ZFHX3: variants seen among roughly 807,000 people sequenced by gnomAD.
ZFHX3 encodes the protein zinc finger homeobox protein 3.
Under a neutral mutation model 279.1 loss-of-function variants are expected in ZFHX3, and 42 were observed. The observed-to-expected ratio is 0.15, with a 90% CI of 0.12 to 0.19. The LOEUF (loss-of-function observed/expected upper bound fraction) is 0.19, where lower values mean the gene tolerates loss of function less well. Ranked by LOEUF, ZFHX3 falls within the 10% of genes least tolerant of loss-of-function variation. The pLI is 1.00. For synonymous variants in ZFHX3, 2,293 were observed against 1,957.8 expected (o/e 1.17, Z -4.52); for missense variants, 4,981 against 4,754.0 (o/e 1.05, Z -1.40).
At chr16:73,690,223 A>T (rs2053135271) in intron 1 of ZFHX3, among the ~76,000 whole-genome samples, 1 of 152,116 alleles carries the variant, frequency 6.6e-6, no homozygotes, top group African/African-American at 2.4e-5. Context: ...AGAAGCACAA[A>T]CAAGGTTTTA....
chr16:73,182,726 T>A (rs1285653229), intron 5 of ZFHX3, among the ~76,000 whole-genome samples: 3 of 152,344 alleles, frequency 2.0e-5, no homozygotes, highest in Non-Finnish European at 4.4e-5. Flanking sequence ...TGAAATCATG[T>A]CTTTTGCAGC....
chr16:73,205,417 T>C (rs908928648), intron 5 of ZFHX3, among the ~76,000 whole-genome samples: 1 of 152,168 alleles, frequency 6.6e-6, no homozygotes, highest in African/African-American at 2.4e-5. Flanking sequence ...GGTTCAGAAG[T>C]ATGATAGGCC....
At chr16:72,851,104 C>T (rs1208250327) in intron 4 of ZFHX3, among the ~76,000 whole-genome samples, 1 of 152,012 alleles carries the variant, frequency 6.6e-6, no homozygotes, top group Admixed American at 6.5e-5. Context: ...CCATTTTTTT[C>T]CACATGGAAC....
intron 5 of ZFHX3, among the ~76,000 whole-genome samples, chr16:72,828,415 T>A (rs1003116676): frequency 8.5e-5 from 13 of 152,218 alleles, no homozygotes; most frequent in African/African-American, 3.1e-4. Flanking sequence ...CCCCTCAACA[T>A]AGAAAGCTTA....
At chr16:73,244,722 A>G (rs1288369737) in intron 5 of ZFHX3, among the ~76,000 whole-genome samples, 2 of 152,278 alleles carry the variant, frequency 1.3e-5, no homozygotes, top group South Asian at 4.1e-4. Flanking sequence ...GCACACAGTG[A>G]TGCCACCAGC....
Position 72,889,054 on chromosome 16 carries a change from T to C in ZFHX3, c.3448+677A>G, listed in dbSNP as rs535943438. On this transcript the variant is annotated intron_variant, in intron 4 of 9. Coordinates refer to ENST00000268489, the MANE Select transcript of ZFHX3 (RefSeq NM_006885.4). ...GAAGTCCCTATGGAAGGCGGAGTCA[T>C]GGGTGGAGGGAGGGAGGGAGGTGGG... Among the ~76,000 whole-genome samples, 10 of 140,532 alleles carry C rather than the reference T, an allele frequency of 7.1e-5. No homozygotes were observed. In the East Asian group the frequency reaches 2.3e-3, roughly 33 times the overall value. The allele number at this position is 140,532 out of a possible 152,430, so 92.2% of individuals were successfully genotyped here.
intron 8 of ZFHX3, among the ~76,000 whole-genome samples, chr16:73,078,412 G>A (rs984818169): frequency 6.6e-6 from 1 of 152,008 alleles, no homozygotes; most frequent in Non-Finnish European, 1.5e-5. Context: ...TAGGGCTTGG[G>A]GTTCCTAAGC....
intron 3 of ZFHX3, among the ~76,000 whole-genome samples, chr16:72,923,880 C>T (rs778235672): frequency 6.6e-6 from 1 of 152,198 alleles, no homozygotes; most frequent in African/African-American, 2.4e-5. Flanking sequence ...ACGTTCAAGA[C>T]GCGGCTACTG....
rs138442240 is a variant in ZFHX3, at chr16:73,261,445, T to C, written c.-1193-4309A>G. On this transcript the variant is annotated intron_variant, in intron 4 of 17. Transcript: ENST00000641206. ...GGAAGATGATGTTTACTATGAACTT[T>C]GTTGTACCATTTAAATTTGGGACTA... 5.8e-4 allele frequency among the ~76,000 whole-genome samples: 88 copies of C among 152,256 alleles called. 1 individual carries two copies. Among genetic ancestry groups the C allele is most frequent in the Admixed American group, 1.2e-3 (19 of 15,308 alleles).
rs1188328440 is a variant in ZFHX3 at position 72,797,039 on chromosome 16, G to A, written c.5643C>T (p.Val1881=). The A allele has an allele frequency of 6.2e-7, 1 of 1,613,954 alleles. No individual in the cohort carries two copies. Among genetic ancestry groups the A allele is most frequent in the Admixed American group, 1.7e-5 (1 of 60,006 alleles). Residue 1881 remains valine, a synonymous_variant, in exon 9 of 10, where the codon GTC becomes GTT. Transcript: ENST00000268489. ...GGCTTTCTTTTTCCTTTTCTTTGATGACCAATTTGTTCTTCTTTTCGGGGT... is the reference window on the plus strand; with the variant it reads ...GGCTTTCTTTTTCCTTTTCTTTGATAACCAATTTGTTCTTCTTTTCGGGGT... ...SQHPEKKNKL[V]IKEKEKESQR... is the part of the protein sequence containing the mutation.
intron 5 of ZFHX3, among the ~76,000 whole-genome samples, chr16:73,190,121 T>C (rs1457488404): frequency 1.3e-5 from 2 of 152,148 alleles, no homozygotes; most frequent in Non-Finnish European, 2.9e-5. Context: ...TCTTGACCAC[T>C]CCTTATCTGA....
rs1200537924 is a variant in ZFHX3 at position 73,135,439 on chromosome 16, G to C, written c.-1023-4345C>G. On this transcript the variant is annotated intron_variant, in intron 6 of 17. Coordinates refer to the ZFHX3 transcript ENST00000641206. Reference sequence around the variant, plus strand: ...TTCGTGGATGGGAATTAGTACAAAGGCCTGATGAGACTGTCCCTTATCCAA... The same window carrying C: ...TTCGTGGATGGGAATTAGTACAAAGCCCTGATGAGACTGTCCCTTATCCAA... 2.0e-5 allele frequency among the ~76,000 whole-genome samples: 3 copies of C among 152,134 alleles called. No homozygotes were observed. The South Asian group carries it at 6.2e-4, about 32-fold the overall frequency.
intron 3 of ZFHX3, among the ~76,000 whole-genome samples, chr16:72,945,793 G>A (rs778379584): frequency 8.5e-5 from 13 of 152,182 alleles, no homozygotes; most frequent in African/African-American, 2.6e-4. Flanking sequence ...AAGGCAGGAC[G>A]GGAGGGAGGA....
intron 2 of ZFHX3, among the ~76,000 whole-genome samples, chr16:73,523,259 G>C (rs1387259301): frequency 2.0e-5 from 3 of 152,196 alleles, no homozygotes; most frequent in Admixed American, 6.5e-5. Context: ...CTTTAGCAAA[G>C]AACTCTTGGA....
In ZFHX3 at chr16:72,829,795, C is replaced by T. The variant is rs1012587375; in HGVS notation, c.3513G>A (p.Lys1171=). ...CTTTCTCACCTCCGCCCTCTTGGTC[C>T]TTAGCAAGCTCCTCTGGATCAGCAG... ...ETAADPEELA[K]DQEGGASSSQ... is the part of the protein sequence containing the mutation. Residue 1171 remains lysine (K), a synonymous_variant, in exon 5 of 10, where the codon AAG becomes AAA. Transcript: ENST00000268489. 5 of 1,614,088 alleles carry T rather than the reference C, an allele frequency of 3.1e-6. No individual in the cohort carries two copies. The African/African-American group carries it at 4.0e-5, about 13-fold the overall frequency.
At chr16:73,641,087 C>G (rs925134567) in intron 2 of ZFHX3, among the ~76,000 whole-genome samples, 1 of 152,136 alleles carries the variant, frequency 6.6e-6, no homozygotes, top group East Asian at 1.9e-4. Context: ...CAATTCTACA[C>G]CCACAGTATC....
intron 7 of ZFHX3, among the ~76,000 whole-genome samples, chr16:73,125,046 G>A (rs1966545959): frequency 6.6e-6 from 1 of 152,000 alleles, no homozygotes; most frequent in Admixed American, 6.6e-5. Flanking sequence ...TAGATCTGGG[G>A]CAAATGGAAG....
chr16:73,837,044 A>G (rs1320309990), intron 1 of ZFHX3, among the ~76,000 whole-genome samples: 1 of 152,228 alleles, frequency 6.6e-6, no homozygotes, highest in African/African-American at 2.4e-5. Flanking sequence ...ATCATGAGCC[A>G]AATAAACTTA....
At chr16:73,345,606 T>C (rs2016109673) in intron 3 of ZFHX3, among the ~76,000 whole-genome samples, 1 of 152,222 alleles carries the variant, frequency 6.6e-6, no homozygotes, top group African/African-American at 2.4e-5. Flanking sequence ...TTCCATGGTG[T>C]ATATGTACCA....
Sources: gnomAD v4.1 joint callset for allele counts (sites outside exome capture counted in the v4.1 genomes callset) on GRCh38, gnomAD v4.1.1 for gene constraint, MANE v1.5 for transcripts, NCBI Gene and HGNC (gene_info 2026-07-23, HGNC 2026-07-21) for gene names.